SYNE1: variants seen among roughly 807,000 people sequenced by gnomAD.
SYNE1 encodes the protein nesprin-1.
A neutral mutation model predicts 1,111.0 loss-of-function variants in SYNE1; 616 were observed. The observed-to-expected ratio is 0.55, with a 90% CI of 0.52 to 0.59. SYNE1 has a LOEUF of 0.59. SYNE1 is among the 20% of genes least tolerant of loss of function. The pLI is 0.00. For missense variants in SYNE1, 10,006 were observed against 10,417.0 expected (o/e 0.96, Z 1.72); for synonymous variants, 3,855 against 3,825.8 (o/e 1.01, Z -0.28).
At chr6:152,266,846 A>C (rs2092748581) in intron 100 of SYNE1, among the ~76,000 whole-genome samples, 1 of 152,166 alleles carries the variant, frequency 6.6e-6, no homozygotes, top group African/African-American at 2.4e-5. Flanking sequence ...TATGTAACAG[A>C]CTGTACGTAG....
intron 3 of SYNE1, among the ~76,000 whole-genome samples, chr6:152,573,241 T>G (rs1182090448): frequency 6.6e-6 from 1 of 151,932 alleles, no homozygotes; most frequent in Non-Finnish European, 1.5e-5. Flanking sequence ...TGCAGGTTTG[T>G]TACATATGTA....
intron 36 of SYNE1, 62 bp from the exon 37 acceptor site, chr6:152,428,454 T>C: frequency 1.3e-6 from 2 of 1,566,042 alleles, no homozygotes; most frequent in South Asian, 2.2e-5. Context: ...TGCATTTTTC[T>C]TTGACACCGA....
Position 152,253,817 on chromosome 6 carries a change from GGTTTTTTTTTTTTTTTTT to G in SYNE1, c.19470+1045_19470+1062del, listed in dbSNP as rs1372583910. Among the ~76,000 whole-genome samples the G allele has an allele frequency of 1.8e-3, 109 of 59,156 alleles. 4 individuals carry two copies. The highest frequency in any genetic ancestry group is 8.9e-3 in the Middle Eastern group (1 of 112). 38.8% of individuals were successfully genotyped at this position (59,156 alleles called of 152,430 possible). A position where few individuals can be genotyped will look rare whatever the true frequency, so the allele number is the denominator to read the frequency against. ...ATGCTACATTTATGTGTAGTGGTTT[GGTTTTTTTTTTTTTTTTT>G]TTTTTTTTTTTTTTTTTTTTTTTTT... is the stretch of plus-strand genomic sequence containing the variant. On this transcript the variant is annotated intron_variant, in intron 104 of 145. Transcript: ENST00000367255.
chr6:152,502,764 G>T, intron 9 of SYNE1, 22 bp from the exon 10 acceptor site: 1 of 1,507,960 alleles, frequency 6.6e-7, no homozygotes, highest in African/African-American at 1.4e-5. Flanking sequence ...AAAAAGAAAT[G>T]TGAATAAACT....
rs185596538 is a variant in SYNE1 at position 152,332,231 on chromosome 6, C to T, written c.12795-341G>A. Among the ~76,000 whole-genome samples the T allele has an allele frequency of 2.6e-5, 4 of 152,312 alleles. No homozygotes were observed. The East Asian group carries it at 5.8e-4, about 22-fold the overall frequency. The stretch of plus-strand genomic sequence containing the variant: ...TCAGGTGATCCACCTGCCTCAGCCT[C>T]CCAAAGTGCTAGGATTACAGGCATG... On this transcript the variant is annotated intron_variant, in intron 77 of 145. Transcript: ENST00000367255.
intron 22 of SYNE1, chr6:152,456,668 AGACACCTCCACCTCT>A (rs1469283674): frequency 6.8e-6 from 3 of 439,262 alleles, no homozygotes; most frequent in Admixed American, 2.6e-5. Flanking sequence ...GGTGACTTAC[AGACACCTCCACCTCT>A]GACTTGTAGC....
In SYNE1 at chr6:152,371,910, A is replaced by AGGAC. The variant is rs1563462234; in HGVS notation, c.9507+1126_9507+1127insGTCC. ...AAGGAAAGGAAAGGAAAGGAAAGGA[A>AGGAC]AGGAAAGGAAAGGACAGGACAGGAC... is the stretch of plus-strand genomic sequence containing the variant. On this transcript the variant is annotated intron_variant, in intron 59 of 145. Coordinates refer to ENST00000367255, the MANE Select transcript of SYNE1 (RefSeq NM_182961.4). Among the ~76,000 whole-genome samples the AGGAC allele has an allele frequency of 6.8e-4, 32 of 46,768 alleles. 2 individuals carry two copies. Among genetic ancestry groups the AGGAC allele is most frequent in the African/African-American group, 1.8e-3 (27 of 14,762 alleles). The allele number at this position is 46,768 out of a possible 152,430, so 30.7% of individuals were successfully genotyped here.
Position 152,391,586 on chromosome 6 carries a change from A to T in SYNE1, c.7713-18T>A, listed in dbSNP as rs2097634110. On this transcript the variant is annotated intron_variant, in intron 51 of 145. Transcript: ENST00000367255. ...GAGACTCTCTGAAAAAAAGGAAAAA[A>T]AAAAAAAAGAAAAAAAATTAATTCT... The T allele has an allele frequency of 6.4e-7, 1 of 1,552,382 alleles. No individual in the cohort carries two copies. Among genetic ancestry groups the T allele is most frequent in the Non-Finnish European group, 8.6e-7 (1 of 1,160,640 alleles).
chr6:152,154,998 T>G lies in SYNE1; in HGVS notation c.24023A>C (p.Tyr8008Ser). ...CTTCAGCCAATCTTCAAAACGTGAA[T>G]AGTCATCCAGAAATTTCTGCCACAA... ...WRLWQKFLDD[Y>S]SRFEDWLKSS... is the part of the protein sequence containing the mutation. Residue 8008 changes from tyrosine (Y) to serine (S), a missense_variant, in exon 133 of 146, where the codon TAT becomes TCT. Physicochemically the swap from Tyr to Ser is moderately radical, Grantham distance 144 (BLOSUM62 -2). Transcript: ENST00000367255. 6.2e-7 allele frequency: 1 copy of G among 1,614,210 alleles called. No individual in the cohort carries two copies. The highest frequency in any genetic ancestry group is 8.5e-7 in the Non-Finnish European group (1 of 1,180,022).
chr6:152,391,593 A>T, intron 51 of SYNE1, 25 bp from the exon 52 acceptor site: 1 of 1,533,054 alleles, frequency 6.5e-7, no homozygotes, highest in South Asian at 1.2e-5. Context: ...AAAAAAAAAA[A>T]AGAAAAAAAA....
At chr6:152,632,969 C>T (rs1430281186) in intron 2 of SYNE1, among the ~76,000 whole-genome samples, 1 of 152,064 alleles carries the variant, frequency 6.6e-6, no homozygotes, top group Non-Finnish European at 1.5e-5. Flanking sequence ...AAACCAATAG[C>T]AGCACAAGGC....
At position 152,395,598 on chromosome 6, in the gene SYNE1, C is replaced by T. The variant is rs1401821858; in HGVS notation, c.7630G>A (p.Gly2544Arg). Residue 2544 changes from glycine to arginine, a missense_variant, in exon 51 of 146, where the codon GGA becomes AGA. Transcript: ENST00000367255. The part of the protein sequence containing the change: ...MEERFNTENL[G>R]ESKQHIPEKK... Reference sequence around the variant, plus strand: ...TCAGGAATGTGCTGTTTACTCTCTCCCAAGTTTTCCGTATTGAACCTTTCT... The same window carrying T: ...TCAGGAATGTGCTGTTTACTCTCTCTCAAGTTTTCCGTATTGAACCTTTCT... 5 of 1,614,174 alleles carry T rather than the reference C, an allele frequency of 3.1e-6. No homozygotes were observed. Among genetic ancestry groups the T allele is most frequent in the Non-Finnish European group, 3.4e-6 (4 of 1,180,012 alleles).
chr6:152,585,607 A>G (rs535816822), intron 3 of SYNE1, among the ~76,000 whole-genome samples: 3 of 152,148 alleles, frequency 2.0e-5, no homozygotes, highest in Non-Finnish European at 4.4e-5. Context: ...CAACTTTCTC[A>G]TTTGCTTTTT....
chr6:152,230,526 T>A (rs766106069), intron 115 of SYNE1, 21 bp downstream of exon 115: 1 of 1,613,308 alleles, frequency 6.2e-7, no homozygotes. Context: ...ATGGTGCATG[T>A]TAGCCACCTG....
At chr6:152,315,492 A>C (rs2095691802) in intron 87 of SYNE1, 2 of 152,162 alleles carry the variant, frequency 1.3e-5, no homozygotes, top group South Asian at 4.1e-4. Flanking sequence ...GAGCCACCGC[A>C]CGTGGCCCAG....
chr6:152,122,266 T>C lies in SYNE1; in HGVS notation c.*170A>G, dbSNP rs2152523070. The C allele has an allele frequency of 1.0e-6, 1 of 1,001,718 alleles. No homozygotes were observed. Among genetic ancestry groups the C allele is most frequent in the Non-Finnish European group, 1.5e-6 (1 of 664,474 alleles). 62.1% of individuals were successfully genotyped at this position (1,001,718 alleles called of 1,614,324 possible). A position where few individuals can be genotyped will look rare whatever the true frequency, so the allele number is the denominator to read the frequency against. ...CTGTTTGTTCCCCCGTCACTGTTTA[T>C]CTTCCACCTCTGAAGCCATAATTTG... On this transcript the variant is annotated 3_prime_UTR_variant, in exon 146 of 146. Transcript: ENST00000367255.
rs1199419170 is a variant in SYNE1, at chr6:152,416,405, C to T, written c.6032G>A (p.Arg2011His). ...TDKERLKEPTRQALQQRLRVF... is the reference protein window; with the variant it reads ...TDKERLKEPTHQALQQRLRVF... ...TATTTACCTCTGCTGAAGAGCTTGGCGGGTAGGTTCTTTCAATCGCTCTTT... is the reference window on the plus strand; with the variant it reads ...TATTTACCTCTGCTGAAGAGCTTGGTGGGTAGGTTCTTTCAATCGCTCTTT... Residue 2011 changes from arginine (R) to histidine (H), a missense_variant, in exon 41 of 146, where the codon CGC becomes CAC. Around this residue, in one of 7 missense-constraint regions of SYNE1, gnomAD observed 4,955 missense variants for 5,017.2 expected, o/e 0.99. Transcript: ENST00000367255. 1.2e-6 allele frequency: 2 copies of T among 1,614,012 alleles called. No homozygotes were observed. The highest frequency in any genetic ancestry group is 1.3e-5 in the African/African-American group (1 of 75,016).
At chr6:152,387,498 G>T in intron 53 of SYNE1, 117 bp from the exon 54 acceptor site, 2 of 1,081,754 alleles carry the variant, frequency 1.8e-6, no homozygotes, top group Non-Finnish European at 2.7e-6. Flanking sequence ...TGGAAGTGAT[G>T]AAAATGTTGC....
intron 3 of SYNE1, among the ~76,000 whole-genome samples, chr6:152,573,319 C>A (rs2099477039): frequency 9.1e-6 from 1 of 109,352 alleles, no homozygotes. Context: ...TCTCCTAATG[C>A]TATCCCCCCC....
Sources: gnomAD v4.1 joint callset for allele counts (sites outside exome capture counted in the v4.1 genomes callset) on GRCh38, gnomAD v4.1.1 for gene constraint, gnomAD v4.1.1 regional missense constraint, MANE v1.5 for transcripts, NCBI Gene and HGNC (gene_info 2026-07-23, HGNC 2026-07-21) for gene names.